OLFML2B: variants seen among roughly 807,000 people sequenced by gnomAD.
The protein encoded by OLFML2B is olfactomedin like 2B, also known as olfactomedin-like protein 2B.
In OLFML2B, 57 loss-of-function variants were observed where a neutral mutation model predicts 74.9. The observed-to-expected ratio is 0.76, with a 90% CI of 0.61 to 0.95. The LOEUF is 0.95. Ranked by LOEUF, OLFML2B falls within the 40% of genes least tolerant of loss-of-function variation. The pLI is 0.00. For missense variants in OLFML2B, 986 were observed against 970.6 expected (o/e 1.02, Z -0.21); for synonymous variants, 388 against 405.8 (o/e 0.96, Z 0.53).
Position 162,023,701 on chromosome 1 carries a change from C to T in OLFML2B, c.-271G>A, listed in dbSNP as rs1373395194. 1.5e-5 allele frequency: 4 copies of T among 269,042 alleles called. No homozygotes were observed. Among genetic ancestry groups the T allele is most frequent in the Non-Finnish European group, 2.8e-5 (4 of 144,212 alleles). 16.7% of individuals were successfully genotyped at this position (269,042 alleles called of 1,614,324 possible). A position where few individuals can be genotyped will look rare whatever the true frequency, so the allele number is the denominator to read the frequency against. On this transcript the variant is annotated 5_prime_UTR_variant, in exon 1 of 8. Transcript: ENST00000294794. ...GGATGACGGAGAAGGTGGAGGCGGG[C>T]ACGGGCTAGCTGAGCGAGTCGCCCG...
chr1:162,004,850 G>T lies in OLFML2B; in HGVS notation c.723+1447C>A, dbSNP rs185446983. On this transcript the variant is annotated intron_variant, in intron 4 of 7. Coordinates refer to ENST00000294794, the MANE Select transcript of OLFML2B (RefSeq NM_015441.3). ...CAGAACGACTCCCCGAAGCCGAGGG[G>T]ATCCCTCAATGGCCCAACTGGAACC... 4.0e-3 allele frequency among the ~76,000 whole-genome samples: 605 copies of T among 152,314 alleles called. 5 individuals are homozygous for T. The highest frequency in any genetic ancestry group is 3.7e-3 in the Non-Finnish European group (253 of 68,030).
chr1:161,983,397 G>A lies in OLFML2B; in HGVS notation c.*278C>T. ...GAGATCTGAGACTTGGAGCTGGAGG[G>A]GCTGAAGGCTTGAAGGAAGGTGGTT... On this transcript the variant is annotated 3_prime_UTR_variant, in exon 8 of 8. Transcript: ENST00000294794. The A allele has an allele frequency of 3.6e-6, 1 of 275,144 alleles. No homozygotes were observed. The highest frequency in any genetic ancestry group is 6.8e-6 in the Non-Finnish European group (1 of 146,828). The allele number at this position is 275,144 out of a possible 1,614,324, so 17.0% of individuals were successfully genotyped here.
chr1:162,002,201 C>A (rs1363498131), intron 4 of OLFML2B, among the ~76,000 whole-genome samples: 1 of 152,248 alleles, frequency 6.6e-6, no homozygotes, highest in Admixed American at 6.5e-5. Flanking sequence ...GTGGCTCCAT[C>A]AGAGAAGTGT....
chr1:162,009,615 G>A (rs1260721450), intron 3 of OLFML2B, among the ~76,000 whole-genome samples: 2 of 152,228 alleles, frequency 1.3e-5, no homozygotes, highest in Non-Finnish European at 2.9e-5. Context: ...CAGAGAAGCA[G>A]TACAGTTTAT....
intron 6 of OLFML2B, among the ~76,000 whole-genome samples, chr1:161,990,727 C>A (rs565970016): frequency 1.3e-5 from 2 of 152,298 alleles, no homozygotes; most frequent in Admixed American, 1.3e-4. Flanking sequence ...TCAATTGACT[C>A]TTCCTTTCAT....
rs1442589606 is a variant in OLFML2B at position 162,019,992 on chromosome 1, G to C, written c.365C>G (p.Pro122Arg). ...TCCCTCGCAGGGATTGAGGGCCGAT[G>C]GGGGTGCTACACAGGCACACTTGCA... ...SSCKCACVAP[P>R]SALNPCEGDF... Residue 122 changes from proline (P) to arginine (R), a missense_variant, in exon 2 of 8, where the codon CCA becomes CGA. Physicochemically the swap from Pro to Arg is moderately radical, Grantham distance 103. Transcript: ENST00000294794. 6.2e-7 allele frequency: 1 copy of C among 1,614,090 alleles called. No homozygotes were observed. Among genetic ancestry groups the C allele is most frequent in the African/African-American group, 1.3e-5 (1 of 74,934 alleles).
rs1220067567 is a variant in OLFML2B at position 162,023,674 on chromosome 1, G to A, written c.-244C>T. On this transcript the variant is annotated 5_prime_UTR_variant, in exon 1 of 8. Coordinates refer to ENST00000294794, the MANE Select transcript of OLFML2B (RefSeq NM_015441.3). Reference sequence around the variant, plus strand: ...AGTGGAGAGCCGGACGCAAGGAAGAGGGGATGACGGAGAAGGTGGAGGCGG... The same window carrying A: ...AGTGGAGAGCCGGACGCAAGGAAGAAGGGATGACGGAGAAGGTGGAGGCGG... The A allele has an allele frequency of 6.2e-6, 2 of 323,756 alleles. No homozygotes were observed. Among genetic ancestry groups the A allele is most frequent in the African/African-American group, 2.1e-5 (1 of 46,910 alleles). 20.1% of individuals were successfully genotyped at this position (323,756 alleles called of 1,614,324 possible).
intron 1 of OLFML2B, among the ~76,000 whole-genome samples, chr1:162,022,260 T>TTTTTTTCTTTTTTTTTTTTTTTTTTTC (rs1553251582): frequency 7.8e-6 from 1 of 127,826 alleles, no homozygotes; most frequent in African/African-American, 3.2e-5. Context: ...TTTTTTTTTT[T>TTTTTTTCTTTTTTTTTTTTTTTTTTTC]TTTTTTTTGA....
Position 161,997,880 on chromosome 1 carries a change from G to T in OLFML2B, c.1419C>A (p.Thr473=). 6.2e-7 allele frequency: 1 copy of T among 1,614,178 alleles called. No homozygotes were observed. The highest frequency in any genetic ancestry group is 8.5e-7 in the Non-Finnish European group (1 of 1,180,026). Residue 473 remains threonine (T), a synonymous_variant, in exon 6 of 8, where the codon ACC becomes ACA. Transcript: ENST00000294794. ...GKDAPAGWGT[T]PASPTLSPEE... Reference sequence around the variant, plus strand: ...CGGGGCTCAGCGTGGGGCTGGCAGGGGTTGTTCCCCACCCAGCAGGAGCAT... The same window carrying T: ...CGGGGCTCAGCGTGGGGCTGGCAGGTGTTGTTCCCCACCCAGCAGGAGCAT...
intron 5 of OLFML2B, 91 bp downstream of exon 5, chr1:162,000,022 G>T: frequency 1.0e-6 from 1 of 954,236 alleles, no homozygotes; most frequent in Non-Finnish European, 1.6e-6. Context: ...ATGGAGGGGT[G>T]TATGGCTCCC....
intron 1 of OLFML2B, among the ~76,000 whole-genome samples, chr1:162,020,731 T>C (rs1690680285): frequency 6.6e-6 from 1 of 152,096 alleles, no homozygotes; most frequent in African/African-American, 2.4e-5. Context: ...GCCAGGCTGG[T>C]CTTGAACTCC....
intron 1 of OLFML2B, 77 bp from the exon 2 acceptor site, chr1:162,020,259 C>T (rs1026243903): frequency 8.4e-6 from 13 of 1,548,366 alleles, no homozygotes; most frequent in Admixed American, 3.6e-5. Flanking sequence ...TCTCCATTTA[C>T]TTAGTCAAAT....
chr1:162,003,679 C>A (rs1372294346), intron 4 of OLFML2B, among the ~76,000 whole-genome samples: 3 of 152,188 alleles, frequency 2.0e-5, no homozygotes, highest in Non-Finnish European at 4.4e-5. Flanking sequence ...CACTCCCAAC[C>A]CAGCCCCCAG....
At chr1:161,992,231 T>G (rs1006758719) in intron 6 of OLFML2B, among the ~76,000 whole-genome samples, 2 of 152,248 alleles carry the variant, frequency 1.3e-5, no homozygotes, top group Non-Finnish European at 1.5e-5. Flanking sequence ...TCTGTTAGCT[T>G]CAGACTTTTT....
At chr1:162,009,100 C>A (rs1690307816) in intron 3 of OLFML2B, among the ~76,000 whole-genome samples, 1 of 152,176 alleles carries the variant, frequency 6.6e-6, no homozygotes, top group Non-Finnish European at 1.5e-5. Context: ...CCACTGGGAT[C>A]CTGCCCTGGT....
chr1:162,005,845 C>T (rs1690209713), intron 4 of OLFML2B, among the ~76,000 whole-genome samples: 1 of 139,512 alleles, frequency 7.2e-6, no homozygotes, highest in African/African-American at 2.7e-5. Flanking sequence ...TTTGAGGCTG[C>T]AGTGAGCTAT....
At chr1:161,985,012 G>A (rs372984530) in intron 6 of OLFML2B, 32 bp from the exon 7 acceptor site, 6 of 1,587,382 alleles carry the variant, frequency 3.8e-6, no homozygotes, top group East Asian at 4.5e-5. Context: ...GAGGTTTTGG[G>A]CTGATCTAGT....
At chr1:161,991,544 G>A (rs1361771550) in intron 6 of OLFML2B, among the ~76,000 whole-genome samples, 1 of 152,164 alleles carries the variant, frequency 6.6e-6, no homozygotes, top group Non-Finnish European at 1.5e-5. Flanking sequence ...AGACCAGCCT[G>A]GCCAACATGG....
chr1:161,993,367 G>A (rs1689796800), intron 6 of OLFML2B, among the ~76,000 whole-genome samples: 1 of 151,994 alleles, frequency 6.6e-6, no homozygotes, highest in African/African-American at 2.4e-5. Flanking sequence ...ACTGTGGCCT[G>A]TGCCCCCCAG....
Sources: allele counts gnomAD v4.1 joint callset (sites outside exome capture counted in the v4.1 genomes callset), GRCh38; gene constraint gnomAD v4.1.1; transcripts MANE v1.5; gene names NCBI Gene and HGNC (gene_info 2026-07-23, HGNC 2026-07-21).